NEURL4: variants seen among roughly 807,000 people sequenced by gnomAD.
NEURL4 encodes neuralized-like protein 4.
A neutral mutation model predicts 148.0 loss-of-function variants in NEURL4; 45 were observed. That is an observed-to-expected ratio of 0.30 (90% CI 0.24 to 0.39). The LOEUF (loss-of-function observed/expected upper bound fraction) is 0.39. NEURL4 is among the 10% of genes least tolerant of loss of function. The probability of loss-of-function intolerance (pLI) is 1.00; values close to 1 mark genes in which losing one functional copy is unlikely to be tolerated. For missense variants in NEURL4, 1,776 were observed against 2,144.0 expected (o/e 0.83, Z 3.39); for synonymous variants, 854 against 869.0 (o/e 0.98, Z 0.30).
Position 7,324,320 on chromosome 17 carries a change from G to A in NEURL4, c.1900-50C>T, listed in dbSNP as rs1172425826. 2.5e-6 allele frequency: 4 copies of A among 1,613,412 alleles called. No individual in the cohort carries two copies. The highest frequency in any genetic ancestry group is 3.4e-6 in the Non-Finnish European group (4 of 1,179,648). ...GAGGAGTCAGGCAGAGTTCCTGCCG[G>A]GGCTGGTCCTGCATCAGCCCCGCGG... On this transcript the variant is annotated intron_variant, in intron 10 of 28. Coordinates refer to ENST00000399464, the MANE Select transcript of NEURL4 (RefSeq NM_032442.3). This position sits in a 1 kb window ranked among gnomAD's most constrained non-coding sequence, Gnocchi z 5.9.
Position 7,325,673 on chromosome 17 carries a change from GCA to G in NEURL4, c.1332_1333del (p.Ala445ProfsTer6). 1 of 1,613,794 alleles carries G rather than the reference GCA, an allele frequency of 6.2e-7. No individual in the cohort carries two copies. Among genetic ancestry groups the G allele is most frequent in the Non-Finnish European group, 8.5e-7 (1 of 1,179,944 alleles). On this transcript the variant is annotated frameshift_variant, in exon 7 of 29. Coordinates refer to ENST00000399464, the MANE Select transcript of NEURL4 (RefSeq NM_032442.3). LOFTEE classifies it high-confidence loss of function. ...GATACCATTAATGAAGAAGTGTAGG[GCA>G]GAGTTGGACTTCCTTGTGAGGCCAA...
In NEURL4 at chr17:7,324,571, A is replaced by G. The variant is rs2073076620; in HGVS notation, c.1814-91T>C. 5 of 1,257,448 alleles carry G rather than the reference A, an allele frequency of 4.0e-6. No individual in the cohort carries two copies. Among genetic ancestry groups the G allele is most frequent in the South Asian group, 3.7e-5 (3 of 80,700 alleles). 77.9% of individuals were successfully genotyped at this position (1,257,448 alleles called of 1,614,324 possible). A position where few individuals can be genotyped will look rare whatever the true frequency, so the allele number is the denominator to read the frequency against. On this transcript the variant is annotated intron_variant, in intron 9 of 28. Transcript: ENST00000399464. This position sits in a 1 kb window ranked among gnomAD's most constrained non-coding sequence, Gnocchi z 5.9. ...GCGCCCACAGGACTCCCGAGCCCACAGTCCACCTTGCCTTTTCTTTGATGA... is the reference window on the plus strand; with the variant it reads ...GCGCCCACAGGACTCCCGAGCCCACGGTCCACCTTGCCTTTTCTTTGATGA...
At position 7,327,733 on chromosome 17, in the gene NEURL4, T is replaced by C; in HGVS notation, c.434A>G (p.Glu145Gly). 1 of 1,614,038 alleles carries C rather than the reference T, an allele frequency of 6.2e-7. No homozygotes were observed. The highest frequency in any genetic ancestry group is 8.5e-7 in the Non-Finnish European group (1 of 1,180,038). ...AAGCTGGTCCAGGTCCTGACCATAC[T>C]CCTCCAACACAGAGCGTCCATCTCT... ...VLRDGRSVLE[E>G]YGQDLDQLGE... is the part of the protein sequence containing the mutation. Residue 145 changes from glutamate to glycine, a missense_variant, in exon 2 of 29, where the codon GAG becomes GGG. Transcript: ENST00000399464. This position sits in a 1 kb window ranked among gnomAD's most constrained non-coding sequence, Gnocchi z 6.6.
rs2073114897 is a variant in NEURL4, at chr17:7,327,246, G to C, written c.728-16C>G. The C allele has an allele frequency of 6.3e-7, 1 of 1,599,550 alleles. No individual in the cohort carries two copies. The highest frequency in any genetic ancestry group is 8.5e-7 in the Non-Finnish European group (1 of 1,174,372). ...ACCATGAAGGCTGGGGACCAGGTGG[G>C]ATGGGAGGGGAATAAGGGTTCAGTC... On this transcript the variant is annotated splice_polypyrimidine_tract_variant and intron_variant, in intron 2 of 28. Transcript: ENST00000399464. The surrounding 1 kb of genome is among the most constrained non-coding windows in gnomAD (Gnocchi z 6.6).
chr17:7,323,191 C>T (rs1305423176), intron 14 of NEURL4, 68 bp from the exon 15 acceptor site: 9 of 1,523,602 alleles, frequency 5.9e-6, no homozygotes, highest in South Asian at 2.4e-5. Flanking sequence ...CTGCCCACTC[C>T]CTGTCTGTCA....
rs757364207 is a variant in NEURL4 at position 7,324,148 on chromosome 17, G to C, written c.2022C>G (p.Leu674=). Residue 674 remains leucine, a synonymous_variant, in exon 11 of 29, where the codon CTC becomes CTG. Coordinates refer to ENST00000399464, the MANE Select transcript of NEURL4 (RefSeq NM_032442.3). The surrounding 1 kb of genome is among the most constrained non-coding windows in gnomAD (Gnocchi z 5.9). ...VPPGVYAVVD[L]YGQAAQATIV... is the part of the protein sequence containing the mutation. ...TGGTGGCCTGGGCCGCCTGGCCATAGAGATCGACGACAGCATAGACGCCCG... is the reference window on the plus strand; with the variant it reads ...TGGTGGCCTGGGCCGCCTGGCCATACAGATCGACGACAGCATAGACGCCCG... The C allele has an allele frequency of 6.2e-7, 1 of 1,613,706 alleles. No individual in the cohort carries two copies.
Position 7,323,773 on chromosome 17 carries a change from G to A in NEURL4, c.2261+41C>T. The A allele has an allele frequency of 1.9e-6, 3 of 1,613,890 alleles. No individual in the cohort carries two copies. In the South Asian group the frequency reaches 3.3e-5, roughly 18 times the overall value. ...AGGCTCTACTTGCATGGCTGAGGCT[G>A]GGCAGGAGGAAGGTGGGGACATGAA... On this transcript the variant is annotated intron_variant, in intron 12 of 28. Transcript: ENST00000399464.
chr17:7,317,769 T>A lies in NEURL4; in HGVS notation c.4205+19A>T, dbSNP rs2072970114. ...GGGGGAAAACAGTAGGGGAAAGGCA[T>A]GACCTTGCCCATATGTACCTGAGGT... is the stretch of plus-strand genomic sequence containing the variant. On this transcript the variant is annotated intron_variant, in intron 26 of 28. Coordinates refer to ENST00000399464, the MANE Select transcript of NEURL4 (RefSeq NM_032442.3). 1.2e-6 allele frequency: 2 copies of A among 1,611,508 alleles called. No individual in the cohort carries two copies. Among genetic ancestry groups the A allele is most frequent in the Admixed American group, 3.3e-5 (2 of 59,972 alleles).
At chr17:7,320,708 C>A in intron 21 of NEURL4, 51 bp downstream of exon 21, 1 of 1,551,376 alleles carries the variant, frequency 6.4e-7, no homozygotes, top group South Asian at 1.2e-5. Context: ...GGGGGTTGGC[C>A]ATGGGTCACT....
rs1425904077 is a variant in NEURL4 at position 7,321,916 on chromosome 17, A to T, written c.2820T>A (p.Ala940=). Residue 940 remains alanine, a synonymous_variant, in exon 17 of 29, where the codon GCT becomes GCA. Transcript: ENST00000399464. This position sits in a 1 kb window ranked among gnomAD's most constrained non-coding sequence, Gnocchi z 6.3. ...CCTTGGTACTGAAGACAAGGCCATG[A>T]GCATAGCCAGCGGCACGCACTGCCC... is the stretch of plus-strand genomic sequence containing the variant. ...GTRAVRAAGY[A]HGLVFSTKEL... The T allele has an allele frequency of 6.2e-7, 1 of 1,613,902 alleles. No individual in the cohort carries two copies. The highest frequency in any genetic ancestry group is 8.5e-7 in the Non-Finnish European group (1 of 1,180,022).
Position 7,321,938 on chromosome 17 carries a change from G to A in NEURL4, c.2798C>T (p.Ala933Val). 1.9e-6 allele frequency: 3 copies of A among 1,613,800 alleles called. No homozygotes were observed. Among genetic ancestry groups the A allele is most frequent in the Non-Finnish European group, 1.7e-6 (2 of 1,179,968 alleles). The change falls in exon 17 of 29, where the codon GCA (alanine) becomes GTA (valine). Residue 933 changes from alanine (A) to valine (V), a missense_variant. Coordinates refer to ENST00000399464, the MANE Select transcript of NEURL4 (RefSeq NM_032442.3). This position sits in a 1 kb window ranked among gnomAD's most constrained non-coding sequence, Gnocchi z 6.3. The part of the protein sequence containing the change: ...NVTLEEDGTR[A>V]VRAAGYAHGL... ...ATGAGCATAGCCAGCGGCACGCACT[G>A]CCCTCGTGCCATCCTCCTCTAGAGT...
rs2073076833 is a variant in NEURL4 at position 7,324,594 on chromosome 17, T to C, written c.1814-114A>G. 1 of 1,138,676 alleles carries C rather than the reference T, an allele frequency of 8.8e-7. No individual in the cohort carries two copies. Among genetic ancestry groups the C allele is most frequent in the African/African-American group, 1.5e-5 (1 of 64,758 alleles). The allele number at this position is 1,138,676 out of a possible 1,614,324, so 70.5% of individuals were successfully genotyped here. On this transcript the variant is annotated intron_variant, in intron 9 of 28. Coordinates refer to ENST00000399464, the MANE Select transcript of NEURL4 (RefSeq NM_032442.3). The surrounding 1 kb of genome is among the most constrained non-coding windows in gnomAD (Gnocchi z 5.9). ...ACAGTCCACCTTGCCTTTTCTTTGA[T>C]GACTAGATTTCTTCCCTGAGCAGGA...
chr17:7,325,312 C>T lies in NEURL4; in HGVS notation c.1528G>A (p.Ala510Thr). The change falls in exon 8 of 29, where the codon GCT becomes ACT. Residue 510 changes from alanine to threonine, a missense_variant. By Grantham distance (58) the Ala-to-Thr change is moderately conservative (BLOSUM62 0). Transcript: ENST00000399464. ...ALSPEGALRR[A>T]APAAQAEPER... ...GGTTCTGCCTGGGCGGCAGGGGCAGCACGGCGGAGAGCACCCTCGGGGGAC... is the reference window on the plus strand; with the variant it reads ...GGTTCTGCCTGGGCGGCAGGGGCAGTACGGCGGAGAGCACCCTCGGGGGAC... 1 of 1,612,538 alleles carries T rather than the reference C, an allele frequency of 6.2e-7. No individual in the cohort carries two copies.
In NEURL4 at chr17:7,316,304, C is replaced by T. The variant is rs368548699; in HGVS notation, c.4508G>A (p.Arg1503Gln). 116 of 1,612,554 alleles carry T rather than the reference C, an allele frequency of 7.2e-5. 1 individual carries two copies. Among genetic ancestry groups the T allele is most frequent in the Admixed American group, 7.2e-4 (43 of 59,992 alleles). ...KVQFRDPKSQ[R>Q]THQAQVAFQV... Reference sequence around the variant, plus strand: ...GAACGCCACCTGAGCCTGGTGCGTCCGCTGGGATTTGGGGTCCCGGAATCT... The same window carrying T: ...GAACGCCACCTGAGCCTGGTGCGTCTGCTGGGATTTGGGGTCCCGGAATCT... The change falls in exon 29 of 29, where the codon CGG becomes CAG. Residue 1503 changes from arginine (R) to glutamine (Q), a missense_variant. Arg to Gln is a conservative substitution (Grantham distance 43). Transcript: ENST00000399464.
rs1419409062 is a variant in NEURL4 at position 7,319,196 on chromosome 17, A to T, written c.3538T>A (p.Phe1180Ile). 1 of 1,612,538 alleles carries T rather than the reference A, an allele frequency of 6.2e-7. No homozygotes were observed. The highest frequency in any genetic ancestry group is 1.1e-5 in the South Asian group (1 of 90,996). Residue 1180 changes from phenylalanine (F) to isoleucine (I), a missense_variant, in exon 22 of 29, where the codon TTC becomes ATC. Transcript: ENST00000399464. ...GAAGATGTCCACTGTCGGTTTAGGA[A>T]ATCTATCCGCACCTGGGGAAGAAAG... Reference protein sequence around the residue: ...PQLLVQVRIDFLNRQWTSSLV... With the variant: ...PQLLVQVRIDILNRQWTSSLV...
Position 7,321,173 on chromosome 17 carries a change from G to T in NEURL4, c.3299C>A (p.Pro1100His), listed in dbSNP as rs894540611. 6.2e-7 allele frequency: 1 copy of T among 1,613,890 alleles called. No homozygotes were observed. The highest frequency in any genetic ancestry group is 1.3e-5 in the African/African-American group (1 of 74,910). ...EESEGTQPPS[P>H]SSDTGSEGEE... is the part of the protein sequence containing the mutation. Reference sequence around the variant, plus strand: ...GCCCTCACTGCCGGTGTCTGAACTGGGGGAAGGAGGCTGGGTGCCTTCTGA... The same window carrying T: ...GCCCTCACTGCCGGTGTCTGAACTGTGGGAAGGAGGCTGGGTGCCTTCTGA... The change falls in exon 20 of 29, where the codon CCC becomes CAC. Residue 1100 changes from proline (P) to histidine (H), a missense_variant. Transcript: ENST00000399464. This position sits in a 1 kb window ranked among gnomAD's most constrained non-coding sequence, Gnocchi z 6.3.
Position 7,326,771 on chromosome 17 carries a change from A to G in NEURL4, c.1032T>C (p.Asp344=). 3 of 1,613,224 alleles carry G rather than the reference A, an allele frequency of 1.9e-6. No individual in the cohort carries two copies. The highest frequency in any genetic ancestry group is 1.1e-5 in the South Asian group (1 of 91,004). ...TCATGACAACCCCATTGTTGAATTC[A>G]TCCAGGGGCCGCCGGCGCTCAGCCG... ...NKTAERRRPL[D]EFNNGVVMTN... is the part of the protein sequence containing the mutation. The change falls in exon 4 of 29, where the codon GAT becomes GAC. Residue 344 remains aspartate (D), a synonymous_variant. Coordinates refer to ENST00000399464, the MANE Select transcript of NEURL4 (RefSeq NM_032442.3). This position sits in a 1 kb window ranked among gnomAD's most constrained non-coding sequence, Gnocchi z 6.0.
rs767194830 is a variant in NEURL4 at position 7,318,599 on chromosome 17, C to G, written c.3760G>C (p.Gly1254Arg). The G allele has an allele frequency of 7.4e-6, 12 of 1,614,072 alleles. No homozygotes were observed. Among genetic ancestry groups the G allele is most frequent in the Non-Finnish European group, 9.3e-6 (11 of 1,179,992 alleles). ...TILGLRLDSS[G>R]GLHLHVNGVD... ...CCATTAACATGAAGATGCAGCCCCC[C>G]AGAGCTGTCCAGCCGCAGTCCCAGG... The change falls in exon 23 of 29, where the codon GGG becomes CGG. Residue 1254 changes from glycine to arginine, a missense_variant. Physicochemically the swap from Gly to Arg is moderately radical, Grantham distance 125. Transcript: ENST00000399464. This position sits in a 1 kb window ranked among gnomAD's most constrained non-coding sequence, Gnocchi z 4.3.
Position 7,320,600 on chromosome 17 carries a change from T to A in NEURL4, c.3525+159A>T, listed in dbSNP as rs374118498. 8.5e-5 allele frequency among the ~76,000 whole-genome samples: 13 copies of A among 152,310 alleles called. No individual in the cohort carries two copies. In the East Asian group the frequency reaches 1.5e-3, roughly 18 times the overall value. ...CACCAGGTAGGGACTTCGTGGTAAC[T>A]GACTGATGACCCTCATTACAGGCTA... On this transcript the variant is annotated intron_variant, in intron 21 of 28. Transcript: ENST00000399464.
Sources: gnomAD v4.1 joint callset for allele counts (sites outside exome capture counted in the v4.1 genomes callset) on GRCh38, gnomAD v4.1.1 for gene constraint, Gnocchi (gnomAD v3.1) non-coding constraint, MANE v1.5 for transcripts, NCBI Gene and HGNC (gene_info 2026-07-23, HGNC 2026-07-21) for gene names.